Variants in DKK2 observed in about 807,000 individuals in gnomAD.
DKK2 encodes the protein dickkopf Wnt signaling pathway inhibitor 2.
A neutral mutation model predicts 28.1 loss-of-function variants in DKK2; 11 were observed. The observed-to-expected ratio is 0.39, with a 90% CI of 0.25 to 0.65. The LOEUF is 0.65. DKK2 is among the 30% of genes least tolerant of loss of function. The pLI, the probability that DKK2 is intolerant of heterozygous loss-of-function variation, is 0.47. For synonymous variants in DKK2, 135 were observed against 126.5 expected (o/e 1.07, Z -0.45); for missense variants, 326 against 335.5 (o/e 0.97, Z 0.22).
intron 1 of DKK2, among the ~76,000 whole-genome samples, chr4:107,027,352 AAT>A (rs1723800985): frequency 6.6e-6 from 1 of 152,214 alleles, no homozygotes; most frequent in East Asian, 1.9e-4. Flanking sequence ...GTTTGTTTCC[AAT>A]ATGTTAAATG....
In DKK2 at chr4:106,924,081, C is replaced by G. The variant is rs1224653488; in HGVS notation, c.653G>C (p.Arg218Pro). 1 of 1,613,810 alleles carries G rather than the reference C, an allele frequency of 6.2e-7. No homozygotes were observed. Among genetic ancestry groups the G allele is most frequent in the African/African-American group, 1.3e-5 (1 of 74,846 alleles). ...TTCCAGCCCATGAGAACCCTTCTTG[C>G]GTTGTTTGGTACAGACTTCCCCCTG... is the stretch of plus-strand genomic sequence containing the variant. ...LHQGEVCTKQ[R>P]KKGSHGLEIF... is the part of the protein sequence containing the mutation. Residue 218 changes from arginine to proline, a missense_variant, in exon 4 of 4, where the codon CGC (arginine) becomes CCC (proline). Coordinates refer to ENST00000285311, the MANE Select transcript of DKK2 (RefSeq NM_014421.3).
chr4:107,036,277 A>ACGCT lies in DKK2; in HGVS notation c.-690_-687dup, dbSNP rs1723967159. The ACGCT allele has an allele frequency of 6.6e-6, 1 of 151,898 alleles. No homozygotes were observed. Among genetic ancestry groups the ACGCT allele is most frequent in the Non-Finnish European group, 1.5e-5 (1 of 68,156 alleles). The allele number at this position is 151,898 out of a possible 1,614,324, so 9.4% of individuals were successfully genotyped here. On this transcript the variant is annotated 5_prime_UTR_variant, in exon 1 of 4. Coordinates refer to ENST00000285311, the MANE Select transcript of DKK2 (RefSeq NM_014421.3). Reference sequence around the variant, plus strand: ...GATGCCTAGGGAGCGGACTTGCGCTACGCTCGCCGCGGGCTCCCGCTTTCT... The same window carrying ACGCT: ...GATGCCTAGGGAGCGGACTTGCGCTACGCTCGCTCGCCGCGGGCTCCCGCTTTCT...
At chr4:106,969,213 C>T (rs1000215578) in intron 1 of DKK2, among the ~76,000 whole-genome samples, 2 of 151,698 alleles carry the variant, frequency 1.3e-5, no homozygotes, top group Non-Finnish European at 2.9e-5. Flanking sequence ...AACTTCTCGC[C>T]TCCAGTTTGG....
intron 1 of DKK2, among the ~76,000 whole-genome samples, chr4:106,991,666 T>A (rs1723205792): frequency 6.6e-6 from 1 of 152,146 alleles, no homozygotes. Context: ...TGTTTTCGTT[T>A]TATGCTAACT....
intron 1 of DKK2, among the ~76,000 whole-genome samples, chr4:106,969,562 G>GAT (rs942795064): frequency 2.0e-5 from 3 of 151,890 alleles, no homozygotes; most frequent in Non-Finnish European, 4.4e-5. Context: ...AGACAGGAGT[G>GAT]ATATTCTTTT....
rs1462384909 is a variant in DKK2 at position 106,923,821 on chromosome 4, G to C, written c.*133C>G. 4.0e-6 allele frequency: 5 copies of C among 1,243,398 alleles called. No individual in the cohort carries two copies. Among genetic ancestry groups the C allele is most frequent in the Non-Finnish European group, 5.5e-6 (5 of 902,002 alleles). 77.0% of individuals were successfully genotyped at this position (1,243,398 alleles called of 1,614,324 possible). ...GTTCATGTTTTCTTTCTCCCTTTTT[G>C]TGATCATCTATATTCTTATCACGTT... On this transcript the variant is annotated 3_prime_UTR_variant, in exon 4 of 4. Transcript: ENST00000285311.
At position 107,035,562 on chromosome 4, in the gene DKK2, C is replaced by A. The variant is rs755025332; in HGVS notation, c.30G>T (p.Ser10=). 1.1e-5 allele frequency: 17 copies of A among 1,614,168 alleles called. No homozygotes were observed. The highest frequency in any genetic ancestry group is 1.1e-5 in the South Asian group (1 of 91,088). ...CGGCCAGTAGGAGCAGGCAGCAGGA[C>A]GAATCCTTGCTCCGCATCAACGCGG... The part of the protein sequence containing the change: MAALMRSKD[S]SCCLLLLAAV... The change falls in exon 1 of 4, where the codon TCG becomes TCT. Residue 10 remains serine (S), a synonymous_variant. Coordinates refer to ENST00000285311, the MANE Select transcript of DKK2 (RefSeq NM_014421.3).
At chr4:106,927,777 CAT>C (rs1267388459) in intron 1 of DKK2, among the ~76,000 whole-genome samples, 4 of 152,152 alleles carry the variant, frequency 2.6e-5, no homozygotes, top group Non-Finnish European at 5.9e-5. Context: ...ATACAATTCA[CAT>C]GTTTCTGATT....
chr4:107,008,540 G>A (rs1476552009), intron 1 of DKK2, among the ~76,000 whole-genome samples: 3 of 151,902 alleles, frequency 2.0e-5, no homozygotes, highest in African/African-American at 4.8e-5. Context: ...AAAGCACCCC[G>A]TGTTAGGCAA....
intron 1 of DKK2, among the ~76,000 whole-genome samples, chr4:106,973,043 T>A (rs1205690704): frequency 2.6e-5 from 4 of 152,290 alleles, no homozygotes; most frequent in South Asian, 4.1e-4. Flanking sequence ...TCCAGCTTCA[T>A]CCATGTCCCT....
At chr4:106,978,536 A>G (rs558832602) in intron 1 of DKK2, among the ~76,000 whole-genome samples, 1 of 152,150 alleles carries the variant, frequency 6.6e-6, no homozygotes, top group South Asian at 2.1e-4. Context: ...CTTTGTTTGC[A>G]CTGGAAGGGG....
intron 1 of DKK2, among the ~76,000 whole-genome samples, chr4:106,991,533 C>T (rs1218899202): frequency 6.6e-6 from 1 of 152,178 alleles, no homozygotes. Context: ...AAATTCTTCA[C>T]CTGGGCTTCT....
chr4:106,990,209 T>C (rs1296993111), intron 1 of DKK2, among the ~76,000 whole-genome samples: 1 of 152,230 alleles, frequency 6.6e-6, no homozygotes, highest in Admixed American at 6.5e-5. Flanking sequence ...AAATACAAAA[T>C]TTATTTCCTC....
Position 106,923,821 on chromosome 4 carries a change from G to T in DKK2, c.*133C>A. Reference sequence around the variant, plus strand: ...GTTCATGTTTTCTTTCTCCCTTTTTGTGATCATCTATATTCTTATCACGTT... The same window carrying T: ...GTTCATGTTTTCTTTCTCCCTTTTTTTGATCATCTATATTCTTATCACGTT... On this transcript the variant is annotated 3_prime_UTR_variant, in exon 4 of 4. Transcript: ENST00000285311. 4.8e-6 allele frequency: 6 copies of T among 1,243,504 alleles called. No homozygotes were observed. In the Admixed American group the frequency reaches 7.3e-5, roughly 15 times the overall value. 77.0% of individuals were successfully genotyped at this position (1,243,504 alleles called of 1,614,324 possible).
rs1408331708 is a variant in DKK2 at position 107,014,816 on chromosome 4, T to TACACACACACACACAA, written c.222+20538_222+20553dup. ...TATAAACAAAATTAAAAATAGGTTCTACACACACACACACAAACACACACA... is the reference window on the plus strand; with the variant it reads ...TATAAACAAAATTAAAAATAGGTTCTACACACACACACACAAACACACACACACACAAACACACACA... On this transcript the variant is annotated intron_variant, in intron 1 of 3. Coordinates refer to ENST00000285311, the MANE Select transcript of DKK2 (RefSeq NM_014421.3). Among the ~76,000 whole-genome samples the TACACACACACACACAA allele has an allele frequency of 4.7e-5, 7 of 150,210 alleles. No individual in the cohort carries two copies. In the South Asian group the frequency reaches 1.5e-3, roughly 31 times the overall value.
At chr4:106,979,625 G>T (rs1722997344) in intron 1 of DKK2, among the ~76,000 whole-genome samples, 1 of 152,110 alleles carries the variant, frequency 6.6e-6, no homozygotes, top group East Asian at 1.9e-4. Flanking sequence ...ATACTCATGA[G>T]TTATCCTAGA....
intron 1 of DKK2, among the ~76,000 whole-genome samples, chr4:107,009,458 A>G (rs373704863): frequency 6.6e-6 from 1 of 151,942 alleles, no homozygotes; most frequent in East Asian, 1.9e-4. Context: ...TGTATTTATG[A>G]AATATTACTA....
At position 107,007,790 on chromosome 4, in the gene DKK2, G is replaced by A. The variant is rs117178495; in HGVS notation, c.222+27580C>T. On this transcript the variant is annotated intron_variant, in intron 1 of 3. Transcript: ENST00000285311. ...GTGGCCTGGGCATTAGGTGATTCTA[G>A]TGTGTAGCTAAGCTTAGGAGCTGGT... Among the ~76,000 whole-genome samples the A allele has an allele frequency of 9.9e-5, 15 of 152,274 alleles. No individual in the cohort carries two copies. The East Asian group carries it at 2.9e-3, about 29-fold the overall frequency.
chr4:106,933,939 G>A (rs930627665), intron 1 of DKK2, among the ~76,000 whole-genome samples: 4 of 151,968 alleles, frequency 2.6e-5, no homozygotes, highest in African/African-American at 9.7e-5. Flanking sequence ...GTTCAGAAAT[G>A]AGGACGTAAG....
Sources: gnomAD v4.1 joint callset for allele counts (sites outside exome capture counted in the v4.1 genomes callset) on GRCh38, gnomAD v4.1.1 for gene constraint, MANE v1.5 for transcripts, NCBI Gene and HGNC (gene_info 2026-07-23, HGNC 2026-07-21) for gene names.